HAO2: variants seen among roughly 807,000 people sequenced by gnomAD.
HAO2 encodes 2-Hydroxyacid oxidase 2.
Under a neutral mutation model 37.4 loss-of-function variants are expected in HAO2, and 42 were observed. The observed-to-expected ratio is 1.12, with a 90% CI of 0.88 to 1.45. The LOEUF (loss-of-function observed/expected upper bound fraction) is 1.45, where lower values mean the gene tolerates loss of function less well. Ranked by LOEUF, HAO2 falls within the 40% of genes most tolerant of loss-of-function variation. HAO2 has a pLI of 0.00. For synonymous variants in HAO2, 180 were observed against 162.8 expected (o/e 1.11, Z -0.81); for missense variants, 476 against 430.2 (o/e 1.11, Z -0.94).
chr1:119,380,419 T>A, intron 1 of HAO2: 1 of 414,470 alleles, frequency 2.4e-6, no homozygotes, highest in East Asian at 3.8e-5. Context: ...AGCCTCCTAA[T>A]AATATTAAGC....
At chr1:119,385,691 A>C in intron 4 of HAO2, 1 of 985,404 alleles carries the variant, frequency 1.0e-6, no homozygotes, top group Non-Finnish European at 1.2e-6. Flanking sequence ...AGAGAGAGAC[A>C]GCCATGATAA....
chr1:119,369,119 C>T (rs1648747763), intron 1 of HAO2: 1 of 152,110 alleles, frequency 6.6e-6, no homozygotes, highest in African/African-American at 2.4e-5. Flanking sequence ...AAGGTTAAGT[C>T]TAGGAAGTTG....
At chr1:119,385,383 C>A (rs587725377) in intron 4 of HAO2, 1 of 976,176 alleles carries the variant, frequency 1.0e-6, no homozygotes, top group Non-Finnish European at 1.2e-6. Flanking sequence ...TAAAAAAGTT[C>A]ATGTAACATT....
At chr1:119,393,646 C>T (rs1651088538) in intron 7 of HAO2, 139 bp from the exon 8 acceptor site, 1 of 745,442 alleles carries the variant, frequency 1.3e-6, no homozygotes, top group Non-Finnish European at 2.5e-6. Context: ...TTACGTTATT[C>T]ATTCTGTATG....
chr1:119,371,492 C>T (rs1004561659), intron 1 of HAO2, among the ~76,000 whole-genome samples: 2 of 152,150 alleles, frequency 1.3e-5, no homozygotes, highest in Non-Finnish European at 2.9e-5. Flanking sequence ...AGCAAAGTTG[C>T]ATATGTCCAT....
chr1:119,374,749 G>A (rs1252030685), intron 1 of HAO2, among the ~76,000 whole-genome samples: 2 of 152,160 alleles, frequency 1.3e-5, no homozygotes, highest in Non-Finnish European at 2.9e-5. Context: ...ACACCAACAT[G>A]AATCATATGA....
chr1:119,380,408 G>A (rs150948797), intron 1 of HAO2: 474 of 393,896 alleles, frequency 1.2e-3, no homozygotes, highest in African/African-American at 8.6e-3. Flanking sequence ...GGTGACCCTT[G>A]AGCCTCCTAA....
At chr1:119,372,241 T>A (rs1387630917) in intron 1 of HAO2, among the ~76,000 whole-genome samples, 3 of 152,246 alleles carry the variant, frequency 2.0e-5, no homozygotes, top group Non-Finnish European at 2.9e-5. Context: ...AAATCATTTT[T>A]AAAAATTTCT....
At chr1:119,379,221 G>T (rs986784364) in intron 1 of HAO2, among the ~76,000 whole-genome samples, 2 of 152,118 alleles carry the variant, frequency 1.3e-5, no homozygotes, top group Non-Finnish European at 2.9e-5. Context: ...GTTTCATGTT[G>T]GAGGCTGGTC....
At chr1:119,381,258 A>G in intron 2 of HAO2, 42 bp downstream of exon 2, 1 of 1,483,096 alleles carries the variant, frequency 6.7e-7, no homozygotes, top group Non-Finnish European at 9.4e-7. Context: ...GTTAAGGTGC[A>G]CTGGTGGAGA....
chr1:119,385,464 G>A, intron 4 of HAO2: 1 of 776,760 alleles, frequency 1.3e-6, no homozygotes, highest in Non-Finnish European at 1.6e-6. Context: ...CTCTCCAAAG[G>A]GGATGTTCAT....
chr1:119,390,016 A>G (rs1201924404), intron 5 of HAO2, among the ~76,000 whole-genome samples: 1 of 152,060 alleles, frequency 6.6e-6, no homozygotes, highest in Non-Finnish European at 1.5e-5. Context: ...TGGCTAGCCA[A>G]TTATCCCAGC....
chr1:119,394,109 G>A lies in HAO2; in HGVS notation c.*269G>A, dbSNP rs1651141194. On this transcript the variant is annotated 3_prime_UTR_variant, in exon 8 of 8. Transcript: ENST00000325945. ...CCTCTGAAGTAAAAGATCTCAAAAG[G>A]ACAGATCATTAATGACTGGAACCAC... 2.6e-6 allele frequency: 3 copies of A among 1,161,842 alleles called. No homozygotes were observed. Among genetic ancestry groups the A allele is most frequent in the Non-Finnish European group, 3.3e-6 (3 of 902,018 alleles). The allele number at this position is 1,161,842 out of a possible 1,614,324, so 72.0% of individuals were successfully genotyped here.
chr1:119,392,160 C>A lies in HAO2; in HGVS notation c.822C>A (p.Val274=), dbSNP rs199940052. The A allele has an allele frequency of 8.0e-5, 129 of 1,613,138 alleles. No homozygotes were observed. The highest frequency in any genetic ancestry group is 1.1e-4 in the Non-Finnish European group (127 of 1,179,410). ...CTGCTGTAAAGGGGAAAATTGAAGT[C>A]TACCTGGATGGCGGGGTCCGAACTG... is the stretch of plus-strand genomic sequence containing the variant. ...VVAAVKGKIE[V]YLDGGVRTGN... The change falls in exon 6 of 8, where the codon GTC becomes GTA. Residue 274 remains valine (V), a synonymous_variant. Transcript: ENST00000325945.
chr1:119,379,611 A>G (rs1359278175), intron 1 of HAO2, among the ~76,000 whole-genome samples: 1 of 152,186 alleles, frequency 6.6e-6, no homozygotes, highest in African/African-American at 2.4e-5. Flanking sequence ...GTAATTTGTC[A>G]GACTCAACTC....
intron 5 of HAO2, among the ~76,000 whole-genome samples, chr1:119,387,192 C>G (rs1183044190): frequency 6.6e-6 from 1 of 152,084 alleles, no homozygotes; most frequent in African/African-American, 2.4e-5. Context: ...GACAGATGTT[C>G]TAAAGTAAAC....
intron 1 of HAO2, among the ~76,000 whole-genome samples, chr1:119,379,324 G>A (rs935501080): frequency 6.6e-6 from 1 of 152,096 alleles, no homozygotes; most frequent in African/African-American, 2.4e-5. Context: ...TATACAAACA[G>A]TTTATACACA....
chr1:119,387,887 C>T (rs1001617802), intron 5 of HAO2, among the ~76,000 whole-genome samples: 4 of 152,176 alleles, frequency 2.6e-5, no homozygotes, highest in Non-Finnish European at 5.9e-5. Flanking sequence ...GAAATTTGCA[C>T]TAGCTGGTTG....
intron 1 of HAO2, among the ~76,000 whole-genome samples, chr1:119,378,457 G>A (rs1649655749): frequency 6.6e-6 from 1 of 152,142 alleles, no homozygotes; most frequent in Non-Finnish European, 1.5e-5. Flanking sequence ...TATTTCTGAG[G>A]CCTCAGTCTC....
Sources: gnomAD v4.1 joint callset for allele counts (sites outside exome capture counted in the v4.1 genomes callset) on GRCh38, gnomAD v4.1.1 for gene constraint, MANE v1.5 for transcripts, NCBI Gene and HGNC (gene_info 2026-07-23, HGNC 2026-07-21) for gene names.